Variants in SDC2 observed in about 807,000 individuals in gnomAD.
The protein encoded by SDC2 is syndecan-2.
A neutral mutation model predicts 22.2 loss-of-function variants in SDC2; 13 were observed. The observed-to-expected ratio is 0.59, with a 90% CI of 0.38 to 0.93. The LOEUF is 0.93. Among genes scored for constraint, SDC2 ranks in the 40% least tolerant of loss-of-function variants. The pLI, the probability that SDC2 is intolerant of heterozygous loss-of-function variation, is 0.00. For missense variants in SDC2, 235 were observed against 246.8 expected, an observed-to-expected ratio of 0.95 and a Z score of 0.32; for synonymous variants, 94 against 92.8, an observed-to-expected ratio of 1.01 and a Z score of -0.07.
intron 1 of SDC2, among the ~76,000 whole-genome samples, chr8:96,538,113 C>A (rs530852039): frequency 9.2e-5 from 14 of 152,296 alleles, no homozygotes; most frequent in Admixed American, 8.5e-4. Flanking sequence ...CAGGCGCACA[C>A]CACCACGCCC....
chr8:96,571,598 A>G (rs1487168877), intron 1 of SDC2, among the ~76,000 whole-genome samples: 4 of 152,194 alleles, frequency 2.6e-5, no homozygotes, highest in Admixed American at 1.3e-4. Context: ...TTGTTTGGCT[A>G]GCAGAGAAGG....
At chr8:96,602,689 T>A (rs561187176) in intron 3 of SDC2, among the ~76,000 whole-genome samples, 161 bp downstream of exon 3, 28 of 152,334 alleles carry the variant, frequency 1.8e-4, no homozygotes, top group African/African-American at 6.7e-4. Context: ...CACTTAAAAT[T>A]GTGTAAGGAC....
intron 1 of SDC2, among the ~76,000 whole-genome samples, chr8:96,575,450 CT>C (rs1464515449): frequency 2.0e-5 from 3 of 152,148 alleles, no homozygotes; most frequent in East Asian, 1.9e-4. Flanking sequence ...TTTTAGTCAA[CT>C]TTTCACTGAA....
At chr8:96,547,669 G>C (rs1813956453) in intron 1 of SDC2, among the ~76,000 whole-genome samples, 1 of 152,072 alleles carries the variant, frequency 6.6e-6, no homozygotes, top group East Asian at 1.9e-4. Context: ...GCAAAAGCAT[G>C]AGCGTCTAGG....
chr8:96,565,070 C>A (rs1158965045), intron 1 of SDC2, among the ~76,000 whole-genome samples: 1 of 53,104 alleles, frequency 1.9e-5, no homozygotes, highest in Admixed American at 1.7e-4. Context: ...ATCACTGAGA[C>A]CATCCTAAAT....
At chr8:96,558,747 AT>A (rs1296802329) in intron 1 of SDC2, among the ~76,000 whole-genome samples, 1 of 152,200 alleles carries the variant, frequency 6.6e-6, no homozygotes, top group African/African-American at 2.4e-5. Flanking sequence ...CATTACAAAA[AT>A]AATCCAAACC....
chr8:96,580,063 C>T (rs1251295896), intron 1 of SDC2, among the ~76,000 whole-genome samples: 2 of 152,178 alleles, frequency 1.3e-5, no homozygotes, highest in Non-Finnish European at 2.9e-5. Flanking sequence ...TTAAAAACAT[C>T]ATTCTTTGGT....
At chr8:96,577,541 G>A (rs1269751558) in intron 1 of SDC2, among the ~76,000 whole-genome samples, 1 of 151,472 alleles carries the variant, frequency 6.6e-6, no homozygotes, top group African/African-American at 2.4e-5. Flanking sequence ...GTATTAGTGT[G>A]GCACATTTAT....
intron 1 of SDC2, among the ~76,000 whole-genome samples, chr8:96,555,122 G>A (rs1238684851): frequency 6.6e-6 from 1 of 151,920 alleles, no homozygotes. Context: ...CACTTGAGTG[G>A]CTTTGTCCTT....
intron 1 of SDC2, among the ~76,000 whole-genome samples, chr8:96,533,768 G>C (rs1180895183): frequency 6.6e-6 from 1 of 152,224 alleles, no homozygotes; most frequent in Admixed American, 6.5e-5. Context: ...AGACTCAGGA[G>C]CCCAGCTGGC....
rs1393439206 is a variant in SDC2 at position 96,611,507 on chromosome 8, C to G, written c.*1959C>G. On this transcript the variant is annotated 3_prime_UTR_variant, in exon 5 of 5. Transcript: ENST00000302190. ...ATTAATTCTCAGATTCCTGCCCCAT[C>G]ACTTACAGAACCAATTCACTTTAGA... The G allele has an allele frequency of 6.6e-6, 1 of 152,620 alleles. No individual in the cohort carries two copies. Among genetic ancestry groups the G allele is most frequent in the African/African-American group, 2.4e-5 (1 of 41,446 alleles). The allele number at this position is 152,620 out of a possible 1,614,324, so 9.5% of individuals were successfully genotyped here. A position where few individuals can be genotyped will look rare whatever the true frequency, so the allele number is the denominator to read the frequency against.
At chr8:96,532,115 T>C (rs1813671544) in intron 1 of SDC2, among the ~76,000 whole-genome samples, 1 of 152,210 alleles carries the variant, frequency 6.6e-6, no homozygotes, top group Non-Finnish European at 1.5e-5. Flanking sequence ...GATTGTTATA[T>C]GGATTAAATG....
chr8:96,555,928 C>G (rs569777057), intron 1 of SDC2, among the ~76,000 whole-genome samples: 1 of 152,220 alleles, frequency 6.6e-6, no homozygotes, highest in African/African-American at 2.4e-5. Context: ...TAGGCTATTT[C>G]CAGCCTGAGC....
intron 1 of SDC2, among the ~76,000 whole-genome samples, chr8:96,540,355 T>TAA: frequency 6.8e-6 from 1 of 147,192 alleles, no homozygotes; most frequent in South Asian, 2.1e-4. Flanking sequence ...TATATATATA[T>TAA]AAAAATTAGT....
At position 96,600,323 on chromosome 8, in the gene SDC2, T is replaced by C. The variant is rs542661698; in HGVS notation, c.173-2072T>C. On this transcript the variant is annotated intron_variant, in intron 2 of 4. Coordinates refer to ENST00000302190, the MANE Select transcript of SDC2 (RefSeq NM_002998.4). ...CCGAGGAAGCCTGGTTAGTTTGAGT[T>C]ACAGAGTTGGAGTTTGTTTGAGTTG... Among the ~76,000 whole-genome samples the C allele has an allele frequency of 9.8e-5, 15 of 152,328 alleles. No homozygotes were observed. In the East Asian group the frequency reaches 1.9e-3, roughly 20 times the overall value.
intron 2 of SDC2, among the ~76,000 whole-genome samples, chr8:96,598,430 T>C (rs561502663): frequency 1.0e-3 from 153 of 152,184 alleles, no homozygotes; most frequent in African/African-American, 3.5e-3. Context: ...GAGAACAGCC[T>C]GACATGGCGA....
At chr8:96,603,628 A>T (rs189511533) in intron 3 of SDC2, among the ~76,000 whole-genome samples, 2 of 152,072 alleles carry the variant, frequency 1.3e-5, no homozygotes, top group African/African-American at 4.8e-5. Flanking sequence ...GCCAGAATGC[A>T]TGTGGGCTTT....
intron 1 of SDC2, among the ~76,000 whole-genome samples, chr8:96,511,598 A>T (rs1813329630): frequency 6.6e-6 from 1 of 152,122 alleles, no homozygotes; most frequent in Admixed American, 6.5e-5. Context: ...CAGGGAAGCA[A>T]TCACTGGGGG....
At chr8:96,507,935 G>GGGTGGATC (rs1813266682) in intron 1 of SDC2, among the ~76,000 whole-genome samples, 1 of 152,060 alleles carries the variant, frequency 6.6e-6, no homozygotes, top group Non-Finnish European at 1.5e-5. Context: ...AGGCAGAGGC[G>GGGTGGATC]GGTGGATCAC....
Sources: allele counts gnomAD v4.1 joint callset (sites outside exome capture counted in the v4.1 genomes callset), GRCh38; gene constraint gnomAD v4.1.1; transcripts MANE v1.5; gene names NCBI Gene and HGNC (gene_info 2026-07-23, HGNC 2026-07-21).